The following PCM1 variants were observed in gnomAD, a reference collection of about 807,000 sequenced individuals.
PCM1 encodes the protein pericentriolar material 1, also known as pericentriolar material 1 protein.
PCM1 carries 157 observed loss-of-function variants against 241.9 expected under a neutral mutation model. The ratio of observed to expected loss-of-function variants is 0.65; its 90% CI spans 0.57 to 0.74. The LOEUF is 0.74. PCM1 is among the 30% of genes least tolerant of loss of function. The probability of loss-of-function intolerance (pLI) is 0.00; values close to 1 mark genes in which losing one functional copy is unlikely to be tolerated. For synonymous variants in PCM1, 1,085 were observed against 784.9 expected (o/e 1.38, Z -6.39); for missense variants, 3,478 against 2,360.1 (o/e 1.47, Z -9.81).
chr8:18,014,780 T>G lies in PCM1; in HGVS notation c.5781T>G (p.Thr1927=). ...RVKEVKSAQE[T]PESSLAGSPD... ...AAGAAGTTAAATCTGCTCAGGAAAC[T>G]CCTGAAAGCTCTCTGGCTGGAAGTC... Residue 1927 remains threonine (T), a synonymous_variant, in exon 36 of 39, where the codon ACT becomes ACG. Coordinates refer to ENST00000325083, the MANE Select transcript of PCM1 (RefSeq NM_006197.4). The G allele has an allele frequency of 1.2e-6, 2 of 1,609,228 alleles. No homozygotes were observed. The highest frequency in any genetic ancestry group is 1.7e-6 in the Non-Finnish European group (2 of 1,179,098).
intron 36 of PCM1, among the ~76,000 whole-genome samples, chr8:18,016,901 G>C (rs1393066315): frequency 6.6e-6 from 1 of 152,218 alleles, no homozygotes; most frequent in African/African-American, 2.4e-5. Flanking sequence ...TGGGTCAAAA[G>C]CTGAACTCAG....
intron 27 of PCM1, among the ~76,000 whole-genome samples, chr8:17,990,854 G>GTA (rs2084364622): frequency 6.6e-6 from 1 of 152,058 alleles, no homozygotes; most frequent in African/African-American, 2.4e-5. Context: ...TCTTCCTTTT[G>GTA]CTTATTGTAA....
chr8:17,925,047 A>G (rs1276518461), intron 2 of PCM1: 1 of 152,224 alleles, frequency 6.6e-6, no homozygotes, highest in Non-Finnish European at 1.5e-5. Flanking sequence ...ATTTGTCTTC[A>G]CAGAATTTTT....
chr8:17,964,883 A>G (rs565275311), intron 18 of PCM1, 115 bp downstream of exon 18: 26 of 733,440 alleles, frequency 3.5e-5, no homozygotes, highest in South Asian at 5.2e-5. Context: ...ACTCAATTCA[A>G]TTTTTACACT....
At chr8:17,995,107 A>G (rs1261385050) in intron 29 of PCM1, among the ~76,000 whole-genome samples, 2 of 151,372 alleles carry the variant, frequency 1.3e-5, no homozygotes, top group African/African-American at 2.5e-5. Context: ...TGCCCAGACC[A>G]ATGTCCTGCA....
chr8:17,956,403 G>A (rs1048626242), intron 10 of PCM1, among the ~76,000 whole-genome samples: 2 of 152,080 alleles, frequency 1.3e-5, no homozygotes, highest in Non-Finnish European at 2.9e-5. Flanking sequence ...AACAGCATAA[G>A]AAAATAATGT....
chr8:17,954,062 C>G (rs1052415766), intron 9 of PCM1, among the ~76,000 whole-genome samples: 1 of 152,206 alleles, frequency 6.6e-6, no homozygotes, highest in Non-Finnish European at 1.5e-5. Flanking sequence ...TTTCTTTTCT[C>G]TGACTTCTGC....
In PCM1 at chr8:18,029,766, A is replaced by T. The variant is rs937096138; in HGVS notation, c.*2104A>T. On this transcript the variant is annotated 3_prime_UTR_variant, in exon 39 of 39. Coordinates refer to ENST00000325083, the MANE Select transcript of PCM1 (RefSeq NM_006197.4). The stretch of plus-strand genomic sequence containing the variant: ...TATTTGTCCTAATTTTGAAGTTAAA[A>T]ATTTTGGTTACAGATAGATAGAGGG... 5.1e-6 allele frequency: 1 copy of T among 195,438 alleles called. No individual in the cohort carries two copies. The highest frequency in any genetic ancestry group is 1.1e-5 in the Non-Finnish European group (1 of 93,968). 12.1% of individuals were successfully genotyped at this position (195,438 alleles called of 1,614,324 possible).
At chr8:17,938,368 G>T (rs2061040245) in intron 4 of PCM1, among the ~76,000 whole-genome samples, 1 of 151,970 alleles carries the variant, frequency 6.6e-6, no homozygotes, top group African/African-American at 2.4e-5. Context: ...TTAGACTCCG[G>T]TCTCTTTCCT....
rs562354643 is a variant in PCM1, at chr8:17,934,284, A to G, written c.-22-1305A>G. 6.0e-4 allele frequency among the ~76,000 whole-genome samples: 87 copies of G among 144,954 alleles called. No homozygotes were observed. The South Asian group carries it at 6.7e-3, about 11-fold the overall frequency. On this transcript the variant is annotated intron_variant, in intron 2 of 38. Coordinates refer to ENST00000325083, the MANE Select transcript of PCM1 (RefSeq NM_006197.4). ...ATTTTTAATCTTTTTTTTTTTTGAG[A>G]TGGTTTTTTGCTAGTCACCCAGGCT... is the stretch of plus-strand genomic sequence containing the variant.
chr8:17,938,682 A>G, intron 4 of PCM1, 58 bp from the exon 5 acceptor site: 1 of 1,392,358 alleles, frequency 7.2e-7, no homozygotes. Context: ...TTGGGGTTAA[A>G]ACAAAATTTT....
At chr8:17,985,137 T>G (rs2082183682) in intron 24 of PCM1, among the ~76,000 whole-genome samples, 1 of 151,872 alleles carries the variant, frequency 6.6e-6, no homozygotes, top group Non-Finnish European at 1.5e-5. Flanking sequence ...TTTTCACTGA[T>G]TTTTCCTATA....
chr8:17,960,065 G>A lies in PCM1; in HGVS notation c.2092G>A (p.Asp698Asn). 6.2e-7 allele frequency: 1 copy of A among 1,612,226 alleles called. No homozygotes were observed. Among genetic ancestry groups the A allele is most frequent in the Non-Finnish European group, 8.5e-7 (1 of 1,178,996 alleles). ...VISASASNLD[D>N]FYPAEEDTKQ... ...CTCTGCCAGTGCATCAAATTTGGAT[G>A]ATTTCTACCCAGCAGAAGAAGACAC... The change falls in exon 14 of 39, where the codon GAT becomes AAT. Residue 698 changes from aspartate to asparagine, a missense_variant. Physicochemically the swap from Asp to Asn is conservative, Grantham distance 23. Transcript: ENST00000325083.
Position 17,980,698 on chromosome 8 carries a change from AATC to A in PCM1, c.4054_4056del (p.His1352del), listed in dbSNP as rs1564133457. On this transcript the variant is annotated inframe_deletion, in exon 24 of 39. Transcript: ENST00000325083. ...TCAAGCAAAAGTATTCAGCAGAAAG[AATC>A]ATGAGCAACTGGAAAAAATAATAAA... The A allele has an allele frequency of 6.2e-7, 1 of 1,613,042 alleles. No individual in the cohort carries two copies. The highest frequency in any genetic ancestry group is 1.3e-5 in the African/African-American group (1 of 75,050).
intron 2 of PCM1, among the ~76,000 whole-genome samples, chr8:17,933,664 A>G (rs1409054864): frequency 3.3e-5 from 5 of 152,194 alleles, no homozygotes; most frequent in African/African-American, 4.8e-5. Flanking sequence ...TATATTTGTC[A>G]CTATTATAAG....
At chr8:18,006,535 T>A (rs1005743997) in intron 30 of PCM1, 138 bp downstream of exon 30, 45 of 596,738 alleles carry the variant, frequency 7.5e-5, no homozygotes, top group South Asian at 1.2e-4. Context: ...TGGGATGATG[T>A]TGTAATACTT....
Position 17,972,540 on chromosome 8 carries a change from G to T in PCM1, c.3796G>T (p.Asp1266Tyr). The change falls in exon 23 of 39, where the codon GAT becomes TAT. Residue 1266 changes from aspartate to tyrosine, a missense_variant. Physicochemically the swap from Asp to Tyr is radical, Grantham distance 160. Transcript: ENST00000325083. ...ACTGGAAAGCTTTAGCAGTATGCCT[G>T]ATCCAGTAGATCCAACAACAGTGAC... ...ESLESFSSMP[D>Y]PVDPTTVTKT... 1 of 1,613,846 alleles carries T rather than the reference G, an allele frequency of 6.2e-7. No individual in the cohort carries two copies. Among genetic ancestry groups the T allele is most frequent in the Non-Finnish European group, 8.5e-7 (1 of 1,179,742 alleles).
chr8:17,962,877 C>A (rs963542402), intron 16 of PCM1: 1 of 391,034 alleles, frequency 2.6e-6, no homozygotes, highest in East Asian at 5.4e-5. Context: ...CACTCCAGCC[C>A]AGATGACAGA....
intron 29 of PCM1, among the ~76,000 whole-genome samples, chr8:18,001,846 C>T (rs189035990): frequency 6.6e-6 from 1 of 151,978 alleles, no homozygotes; most frequent in South Asian, 2.1e-4. Context: ...ACTGCTTTCT[C>T]TGTATCTGAC....
Sources: gnomAD v4.1 joint callset for allele counts (sites outside exome capture counted in the v4.1 genomes callset) on GRCh38, gnomAD v4.1.1 for gene constraint, MANE v1.5 for transcripts, NCBI Gene and HGNC (gene_info 2026-07-23, HGNC 2026-07-21) for gene names.